The following PDE7A variants were observed in gnomAD, a reference collection of about 807,000 sequenced individuals.
The protein encoded by PDE7A is phosphodiesterase 7A.
A neutral mutation model predicts 64.3 loss-of-function variants in PDE7A; 39 were observed. The ratio of observed to expected loss-of-function variants is 0.61; its 90% CI spans 0.47 to 0.79. The LOEUF (loss-of-function observed/expected upper bound fraction) is 0.79, where lower values mean the gene tolerates loss of function less well. Among genes scored for constraint, PDE7A ranks in the 30% least tolerant of loss-of-function variants. The pLI is 0.00. For missense variants in PDE7A, 470 were observed against 582.8 expected, an observed-to-expected ratio of 0.81 and a Z score of 1.99; for synonymous variants, 203 against 206.8, an observed-to-expected ratio of 0.98 and a Z score of 0.16.
chr8:65,786,220 T>C (rs1809555204), intron 1 of PDE7A, among the ~76,000 whole-genome samples: 1 of 152,174 alleles, frequency 6.6e-6, no homozygotes, highest in Non-Finnish European at 1.5e-5. Context: ...TAAGTAAGGC[T>C]AGTCTACAAA....
At chr8:65,736,454 A>G (rs1392384116) in intron 6 of PDE7A, among the ~76,000 whole-genome samples, 1 of 152,212 alleles carries the variant, frequency 6.6e-6, no homozygotes, top group Non-Finnish European at 1.5e-5. Context: ...ATTAATACAC[A>G]TTAAAAAGTT....
At chr8:65,794,454 T>C (rs922112611) in intron 1 of PDE7A, among the ~76,000 whole-genome samples, 5 of 151,738 alleles carry the variant, frequency 3.3e-5, no homozygotes, top group Non-Finnish European at 5.9e-5. Context: ...CACCTATAAG[T>C]AGTATTATAA....
At chr8:65,839,536 C>T (rs1445863474) in intron 1 of PDE7A, among the ~76,000 whole-genome samples, 2 of 151,776 alleles carry the variant, frequency 1.3e-5, no homozygotes, top group Admixed American at 6.6e-5. Flanking sequence ...TTACATTTAC[C>T]ACAATGTTAA....
At chr8:65,817,848 G>A (rs1810450768) in intron 1 of PDE7A, among the ~76,000 whole-genome samples, 1 of 151,102 alleles carries the variant, frequency 6.6e-6, no homozygotes, top group African/African-American at 2.4e-5. Flanking sequence ...CGCCTCCCGG[G>A]TTCACGCCAT....
intron 1 of PDE7A, among the ~76,000 whole-genome samples, chr8:65,815,434 T>C (rs1387008863): frequency 1.8e-4 from 27 of 152,176 alleles, no homozygotes; most frequent in Admixed American, 1.8e-3. Context: ...GATTACCAAG[T>C]TGTGAAACAA....
chr8:65,749,701 G>A (rs1563486602), intron 3 of PDE7A, among the ~76,000 whole-genome samples: 1 of 152,188 alleles, frequency 6.6e-6, no homozygotes, highest in Non-Finnish European at 1.5e-5. Context: ...AGAACACTGT[G>A]CCTACAAGAA....
chr8:65,837,147 T>A (rs1196942071), intron 1 of PDE7A, among the ~76,000 whole-genome samples: 1 of 152,186 alleles, frequency 6.6e-6, no homozygotes, highest in African/African-American at 2.4e-5. Flanking sequence ...CCAACTTTTA[T>A]CCAAGGGGCT....
chr8:65,719,746 G>A (rs1390042957), intron 12 of PDE7A: 6 of 469,528 alleles, frequency 1.3e-5, no homozygotes, highest in African/African-American at 3.9e-5. Context: ...ACCTTTTCTG[G>A]TTATCCTTCT....
At chr8:65,732,372 C>T (rs189926240) in intron 7 of PDE7A, among the ~76,000 whole-genome samples, 7 of 152,254 alleles carry the variant, frequency 4.6e-5, no homozygotes, top group East Asian at 1.9e-4. Context: ...AGGATGTACA[C>T]TTCATGAAGA....
At chr8:65,785,680 A>G (rs891457490) in intron 1 of PDE7A, among the ~76,000 whole-genome samples, 6 of 152,224 alleles carry the variant, frequency 3.9e-5, no homozygotes, top group African/African-American at 1.4e-4. Context: ...CAGCTAAAGC[A>G]AATTAATGAA....
chr8:65,772,729 T>C (rs1168280686), intron 3 of PDE7A, among the ~76,000 whole-genome samples: 2 of 152,088 alleles, frequency 1.3e-5, no homozygotes, highest in Non-Finnish European at 2.9e-5. Context: ...ACTGGCCAGG[T>C]GCGGTGGTTC....
rs1416692539 is a variant in PDE7A at position 65,836,926 on chromosome 8, C to T, written c.138+4445G>A. Among the ~76,000 whole-genome samples the T allele has an allele frequency of 2.6e-5, 4 of 152,184 alleles. No individual in the cohort carries two copies. In the South Asian group the frequency reaches 6.2e-4, roughly 24 times the overall value. ...CTCCTTCCTCCTCCCCCTACATTCA[C>T]CCATTTGTCTAGAAACAACTGCTTC... On this transcript the variant is annotated intron_variant, in intron 1 of 12. Coordinates refer to ENST00000401827, the MANE Select transcript of PDE7A (RefSeq NM_001242318.3).
At chr8:65,760,968 A>G (rs867339598) in intron 3 of PDE7A, among the ~76,000 whole-genome samples, 13 of 152,238 alleles carry the variant, frequency 8.5e-5, no homozygotes, top group Non-Finnish European at 1.5e-4. Flanking sequence ...AGTGACTATG[A>G]GAATTTAACT....
In PDE7A at chr8:65,798,179, C is replaced by CAT. The variant is rs1218978698; in HGVS notation, c.139-15338_139-15337dup. On this transcript the variant is annotated intron_variant, in intron 1 of 12. Coordinates refer to ENST00000401827, the MANE Select transcript of PDE7A (RefSeq NM_001242318.3). ...AAATATATACATGTGTGTGTGTGTG[C>CAT]ATATATATATATATATATATATATA... Among the ~76,000 whole-genome samples, 167 of 118,882 alleles carry CAT rather than the reference C, an allele frequency of 1.4e-3. 1 individual carries two copies. The highest frequency in any genetic ancestry group is 8.4e-3 in the Middle Eastern group (2 of 238). The allele number at this position is 118,882 out of a possible 152,430, so 78.0% of individuals were successfully genotyped here.
intron 1 of PDE7A, among the ~76,000 whole-genome samples, chr8:65,819,853 T>C (rs1002971758): frequency 1.3e-5 from 2 of 152,210 alleles, no homozygotes; most frequent in African/African-American, 4.8e-5. Flanking sequence ...GTCACTAAGT[T>C]CTCACCAATG....
chr8:65,758,376 G>T (rs1320438431), intron 3 of PDE7A, among the ~76,000 whole-genome samples: 1 of 152,084 alleles, frequency 6.6e-6, no homozygotes, highest in African/African-American at 2.4e-5. Context: ...CAGGTAAGGG[G>T]GAAAAAATGT....
intron 3 of PDE7A, among the ~76,000 whole-genome samples, chr8:65,751,419 G>GC (rs140273742): frequency 4.0e-5 from 6 of 151,740 alleles, no homozygotes; most frequent in African/African-American, 1.5e-4. Context: ...CCACTCTCAA[G>GC]CCCTACCCCA....
intron 3 of PDE7A, among the ~76,000 whole-genome samples, chr8:65,770,482 G>T (rs1365772565): frequency 2.0e-5 from 3 of 152,144 alleles, no homozygotes; most frequent in Non-Finnish European, 4.4e-5. Context: ...GGGGAGAACT[G>T]CCCTGATGAT....
At chr8:65,791,939 A>G (rs892863926) in intron 1 of PDE7A, among the ~76,000 whole-genome samples, 3 of 151,328 alleles carry the variant, frequency 2.0e-5, no homozygotes, top group African/African-American at 7.4e-5. Context: ...TTATAATTAA[A>G]TTTTAATAAT....
Sources: gnomAD v4.1 joint callset for allele counts (sites outside exome capture counted in the v4.1 genomes callset) on GRCh38, gnomAD v4.1.1 for gene constraint, MANE v1.5 for transcripts, NCBI Gene and HGNC (gene_info 2026-07-23, HGNC 2026-07-21) for gene names.